Variants in SGK1 observed in about 807,000 individuals in gnomAD.
The protein encoded by SGK1 is serine/threonine-protein kinase Sgk1.
SGK1 carries 26 observed loss-of-function variants against 64.2 expected under a neutral mutation model. That is an observed-to-expected ratio of 0.40 (90% confidence interval 0.30 to 0.56). The LOEUF (loss-of-function observed/expected upper bound fraction) is 0.56, where lower values mean the gene tolerates loss of function less well. SGK1 is among the 20% of genes least tolerant of loss of function. The pLI, the probability that SGK1 is intolerant of heterozygous loss-of-function variation, is 0.38. For missense variants in SGK1, 519 were observed against 645.6 expected, an observed-to-expected ratio of 0.80 and a Z score of 2.12; for synonymous variants, 265 against 239.7, an observed-to-expected ratio of 1.11 and a Z score of -0.98.
intron 3 of SGK1, among the ~76,000 whole-genome samples, chr6:134,181,400 A>T (rs1287051624): frequency 1.3e-5 from 2 of 151,888 alleles, no homozygotes. Flanking sequence ...ACTGGAGTGC[A>T]GTGGCGTGAT....
intron 2 of SGK1, among the ~76,000 whole-genome samples, chr6:134,257,853 G>A (rs896611947): frequency 5.9e-5 from 9 of 152,132 alleles, no homozygotes; most frequent in African/African-American, 2.2e-4. Flanking sequence ...GAAACCTGAC[G>A]GTGAGTACAT....
At chr6:134,297,555 T>G (rs1582771180) in intron 1 of SGK1, 1 of 518,128 alleles carries the variant, frequency 1.9e-6, no homozygotes, top group South Asian at 1.5e-5. Flanking sequence ...CAGGCTGGAG[T>G]GCAGTGGCAC....
chr6:134,307,942 C>G (rs143482867), intron 1 of SGK1, among the ~76,000 whole-genome samples: 133 of 152,280 alleles, frequency 8.7e-4, no homozygotes, highest in Middle Eastern at 3.4e-3. Flanking sequence ...CTACTACACA[C>G]CAGGCACACA....
chr6:134,219,487 G>A (rs909266067), intron 2 of SGK1, among the ~76,000 whole-genome samples: 8 of 152,126 alleles, frequency 5.3e-5, no homozygotes, highest in African/African-American at 1.2e-4. Flanking sequence ...TTGGCCAGCC[G>A]CGGTATCTCA....
intron 3 of SGK1, among the ~76,000 whole-genome samples, chr6:134,176,395 A>G (rs868331483): frequency 3.3e-5 from 5 of 152,214 alleles, no homozygotes; most frequent in African/African-American, 1.2e-4. Context: ...AAGAGAGGGA[A>G]GCTCGAGGCG....
chr6:134,228,181 C>T (rs891826262), intron 2 of SGK1, among the ~76,000 whole-genome samples: 6 of 152,094 alleles, frequency 3.9e-5, no homozygotes, highest in Non-Finnish European at 8.8e-5. Flanking sequence ...TCTCGAACTC[C>T]TGACCTCAGG....
chr6:134,233,162 G>T (rs1031571074), intron 2 of SGK1, among the ~76,000 whole-genome samples: 9 of 152,030 alleles, frequency 5.9e-5, no homozygotes, highest in African/African-American at 2.2e-4. Context: ...ACAAAACGTT[G>T]TATTATTATT....
In SGK1 at chr6:134,226,182, A is replaced by G. The variant is rs185632506; in HGVS notation, c.286-18751T>C. Among the ~76,000 whole-genome samples the G allele has an allele frequency of 3.9e-5, 6 of 152,102 alleles. No individual in the cohort carries two copies. The East Asian group carries it at 1.2e-3, about 29-fold the overall frequency. On this transcript the variant is annotated intron_variant, in intron 2 of 13. Transcript: ENST00000367858. ...AAAAAAGAGAACAATCTTATCAAGG[A>G]AGGTGATATCAACAAAATGGTGCAA...
At chr6:134,275,072 G>A (rs1263894505) in intron 1 of SGK1, among the ~76,000 whole-genome samples, 1 of 152,114 alleles carries the variant, frequency 6.6e-6, no homozygotes, top group African/African-American at 2.4e-5. Context: ...GCCTCCCAAA[G>A]TGCTGGTATT....
chr6:134,296,983 C>T lies in SGK1; in HGVS notation c.69+20409G>A, dbSNP rs115146496. 1,441 of 420,664 alleles carry T rather than the reference C, an allele frequency of 3.4e-3. 15 individuals are homozygous for T. Among genetic ancestry groups the T allele is most frequent in the African/African-American group, 0.026 (1,255 of 48,734 alleles). The allele number at this position is 420,664 out of a possible 1,614,324, so 26.1% of individuals were successfully genotyped here. On this transcript the variant is annotated intron_variant, in intron 1 of 13. Coordinates refer to ENST00000367858, the MANE Select transcript of SGK1 (RefSeq NM_001143676.3). The stretch of plus-strand genomic sequence containing the variant: ...CGCAAGAGGGGCAGGCTGGGAGGGG[C>T]TGCCATGGCTGTTCACTCGGGCAGG...
At position 134,271,076 on chromosome 6, in the gene SGK1, G is replaced by C. The variant is rs534622008; in HGVS notation, c.70-8928C>G. On this transcript the variant is annotated intron_variant, in intron 1 of 13. Coordinates refer to ENST00000367858, the MANE Select transcript of SGK1 (RefSeq NM_001143676.3). ...TCATGCCTGTCGTCCCAGTGCTTTGGGAGGCCGAGGCAGGCAGATCACCTA... is the reference window on the plus strand; with the variant it reads ...TCATGCCTGTCGTCCCAGTGCTTTGCGAGGCCGAGGCAGGCAGATCACCTA... Among the ~76,000 whole-genome samples the C allele has an allele frequency of 1.5e-5, 2 of 131,188 alleles. 1 individual carries two copies. Among genetic ancestry groups the C allele is most frequent in the East Asian group, 4.9e-4 (2 of 4,098 alleles). The allele number at this position is 131,188 out of a possible 152,430, so 86.1% of individuals were successfully genotyped here.
intron 8 of SGK1, 61 bp from the exon 9 acceptor site, chr6:134,172,835 C>G (rs1775076146): frequency 7.5e-7 from 1 of 1,334,114 alleles, no homozygotes; most frequent in African/African-American, 1.4e-5. Context: ...TTTTGACATA[C>G]ACAGCAAAAG....
intron 2 of SGK1, among the ~76,000 whole-genome samples, chr6:134,228,485 T>C (rs1476651670): frequency 5.3e-5 from 8 of 152,206 alleles, no homozygotes; most frequent in African/African-American, 1.9e-4. Context: ...AATAAACAAG[T>C]ATTTCTAATG....
At chr6:134,251,630 T>C (rs1776607047) in intron 2 of SGK1, among the ~76,000 whole-genome samples, 1 of 152,198 alleles carries the variant, frequency 6.6e-6, no homozygotes, top group African/African-American at 2.4e-5. Context: ...ACTGGTGGGC[T>C]ATGATTCCCT....
At chr6:134,308,119 T>G (rs992407874) in intron 1 of SGK1, among the ~76,000 whole-genome samples, 14 of 152,200 alleles carry the variant, frequency 9.2e-5, no homozygotes, top group Admixed American at 8.5e-4. Context: ...CCGGAAGCTA[T>G]GTACTCATCG....
Position 134,173,250 on chromosome 6 carries a change from A to G in SGK1, c.702+24T>C, listed in dbSNP as rs774187053. On this transcript the variant is annotated intron_variant, in intron 7 of 13. Transcript: ENST00000367858. ...TCAAGGAGTGTCTACCGCCAATGCC[A>G]GCCCCATCAAGCACATCTCATACCT... 1.1e-5 allele frequency: 18 copies of G among 1,610,072 alleles called. No homozygotes were observed. In the Admixed American group the frequency reaches 2.8e-4, roughly 25 times the overall value.
At chr6:134,187,067 C>T (rs1232947387) in intron 3 of SGK1, among the ~76,000 whole-genome samples, 5 of 152,232 alleles carry the variant, frequency 3.3e-5, no homozygotes, top group South Asian at 4.2e-4. Context: ...CTGCTCGCCT[C>T]GGCCTCCCAA....
chr6:134,294,015 T>C (rs2114783113), intron 1 of SGK1, among the ~76,000 whole-genome samples: 1 of 152,254 alleles, frequency 6.6e-6, no homozygotes, highest in African/African-American at 2.4e-5. Flanking sequence ...CCACTGACAA[T>C]CAGATGAAGA....
chr6:134,306,019 G>A (rs983217395), intron 1 of SGK1, among the ~76,000 whole-genome samples: 2 of 152,120 alleles, frequency 1.3e-5, no homozygotes, highest in Admixed American at 6.5e-5. Context: ...GAGAAGGAAG[G>A]TCCTTGTCCT....
Sources: allele counts gnomAD v4.1 joint callset (sites outside exome capture counted in the v4.1 genomes callset), GRCh38; gene constraint gnomAD v4.1.1; transcripts MANE v1.5; gene names NCBI Gene and HGNC (gene_info 2026-07-23, HGNC 2026-07-21).